The following SLC6A12 variants were observed in gnomAD, a reference collection of about 807,000 sequenced individuals.
SLC6A12 encodes solute carrier family 6 member 12, also known as sodium- and chloride-dependent betaine transporter.
In SLC6A12, 50 loss-of-function variants were observed where a neutral mutation model predicts 73.3. The observed-to-expected ratio is 0.68, with a 90% CI of 0.54 to 0.86. SLC6A12 has a LOEUF of 0.86. Among genes scored for constraint, SLC6A12 ranks in the 40% least tolerant of loss-of-function variants. The pLI, the probability that SLC6A12 is intolerant of heterozygous loss-of-function variation, is 0.00. For missense variants in SLC6A12, 648 were observed against 772.8 expected (o/e 0.84, Z 1.92); for synonymous variants, 304 against 309.2 (o/e 0.98, Z 0.18).
At chr12:208,107 C>T (rs113615885) in intron 3 of SLC6A12, among the ~76,000 whole-genome samples, 1 of 152,202 alleles carries the variant, frequency 6.6e-6, no homozygotes, top group Non-Finnish European at 1.5e-5. Context: ...GAAATGGTTC[C>T]AAGGCCCTCT....
At chr12:205,712 A>G (rs1279729966) in intron 3 of SLC6A12, among the ~76,000 whole-genome samples, 1 of 152,218 alleles carries the variant, frequency 6.6e-6, no homozygotes, top group Non-Finnish European at 1.5e-5. Context: ...ATCCTTCCAG[A>G]TTTCTTAAAA....
At chr12:184,728 C>T in the SLC6A12 span, among the ~76,000 whole-genome samples, 102 of 151,430 alleles carry the variant, frequency 6.7e-4, no homozygotes, top group South Asian at 8.5e-3. Flanking sequence ...CTAGCCTGGG[C>T]GACAGAGCAA....
At chr12:207,353 G>T (rs1407932228) in intron 3 of SLC6A12, among the ~76,000 whole-genome samples, 1 of 152,242 alleles carries the variant, frequency 6.6e-6, no homozygotes, top group Non-Finnish European at 1.5e-5. Context: ...TACCTCTGCT[G>T]CATGCTCTTT....
At chr12:211,097 A>G in intron 2 of SLC6A12, 1 of 151,990 alleles carries the variant, frequency 6.6e-6, no homozygotes, top group Non-Finnish European at 1.5e-5. Context: ...GAGGTGCCCC[A>G]GGCTGTAGAG....
chr12:186,477 G>A (rs138362815), downstream of SLC6A12, among the ~76,000 whole-genome samples: 445 of 152,348 alleles, frequency 2.9e-3, 4 homozygotes, highest in African/African-American at 0.01. Context: ...GGCATTTGGG[G>A]CCCACTTGGC....
At chr12:209,135 G>C (rs7303106) in intron 3 of SLC6A12, among the ~76,000 whole-genome samples, 20,196 of 151,432 alleles carry the variant, frequency 0.13, 2,328 homozygotes, top group African/African-American at 0.31. Context: ...CCACCCCCAG[G>C]ACCTTGGCAC....
At chr12:185,408 G>A (rs530364765), downstream of SLC6A12, among the ~76,000 whole-genome samples, 1 of 152,350 alleles carries the variant, frequency 6.6e-6, no homozygotes, top group South Asian at 2.1e-4. Context: ...GAAGGGACTT[G>A]CCCACTTCGA....
chr12:198,147 TG>T lies in SLC6A12; in HGVS notation c.847-145del, dbSNP rs760308532. 1.0e-4 allele frequency: 66 copies of T among 648,956 alleles called. No homozygotes were observed. The highest frequency in any genetic ancestry group is 1.6e-4 in the Non-Finnish European group (60 of 366,766). 40.2% of individuals were successfully genotyped at this position (648,956 alleles called of 1,614,324 possible). On this transcript the variant is annotated intron_variant, in intron 8 of 15. Coordinates refer to ENST00000684302, the MANE Select transcript of SLC6A12 (RefSeq NM_001122848.3). The surrounding 1 kb of genome is among the most constrained non-coding windows in gnomAD (Gnocchi z 4.0). ...TTCCCTCCTGCATCCCAACTCTCCG[TG>T]AGTGCGCCCTCCGGTCTCCACGGTG...
At chr12:212,721 T>C (rs1207922006) in intron 1 of SLC6A12, among the ~76,000 whole-genome samples, 1 of 152,150 alleles carries the variant, frequency 6.6e-6, no homozygotes, top group Non-Finnish European at 1.5e-5. Flanking sequence ...CAGAGGATGT[T>C]AGACACCAAA....
chr12:198,009 C>T lies in SLC6A12; in HGVS notation c.847-6G>A, dbSNP rs1565470129. 1 of 1,613,038 alleles carries T rather than the reference C, an allele frequency of 6.2e-7. No homozygotes were observed. Among genetic ancestry groups the T allele is most frequent in the South Asian group, 1.1e-5 (1 of 91,020 alleles). ...GTGCCCGCATCCATCCACACCTACA[C>T]AAAACCCCAAGAAAGAGGTAGAGGC... On this transcript the variant is annotated splice_region_variant and splice_polypyrimidine_tract_variant and intron_variant, in intron 8 of 15. Transcript: ENST00000684302. This position sits in a 1 kb window ranked among gnomAD's most constrained non-coding sequence, Gnocchi z 4.0.
intron 1 of SLC6A12, among the ~76,000 whole-genome samples, chr12:212,510 T>C (rs959992391): frequency 6.6e-6 from 1 of 152,184 alleles, no homozygotes; most frequent in Non-Finnish European, 1.5e-5. Flanking sequence ...TGACGCAACA[T>C]GATTTTTTAA....
downstream of SLC6A12, among the ~76,000 whole-genome samples, chr12:187,607 A>ACCCAC (rs1565461326): frequency 9.5e-4 from 15 of 15,854 alleles, no homozygotes; most frequent in Non-Finnish European, 4.9e-3. Context: ...AAAAAAAAAA[A>ACCCAC]AAAAAAAAAA....
rs1338245982 is a variant in SLC6A12 at position 202,714 on chromosome 12, A to G, written c.490+26T>C. 3.7e-6 allele frequency: 6 copies of G among 1,606,020 alleles called. No individual in the cohort carries two copies. The Admixed American group carries it at 1.0e-4, about 27-fold the overall frequency. ...CGCAGCCCAGCCCCTAACAGGCAAC[A>G]TCCCAGGGGCTGAAATGATGGATAC... On this transcript the variant is annotated intron_variant, in intron 5 of 15. Coordinates refer to ENST00000684302, the MANE Select transcript of SLC6A12 (RefSeq NM_001122848.3).
At chr12:200,258 A>ATG (rs1565472005) in intron 7 of SLC6A12, among the ~76,000 whole-genome samples, 30 of 148,798 alleles carry the variant, frequency 2.0e-4, no homozygotes, top group African/African-American at 6.5e-4. Context: ...ACAGGTGCCC[A>ATG]CCACCACGCC....
chr12:193,063 C>T (rs1042322497), intron 14 of SLC6A12: 18 of 543,066 alleles, frequency 3.3e-5, no homozygotes, highest in South Asian at 1.2e-4. Flanking sequence ...GGGATGGAGC[C>T]GGAAGTAGGA....
chr12:187,888 G>C (rs1024895344), downstream of SLC6A12, among the ~76,000 whole-genome samples: 1 of 152,172 alleles, frequency 6.6e-6, no homozygotes, highest in Non-Finnish European at 1.5e-5. Context: ...TAGATACAGA[G>C]TGTGGATTGG....
intron 2 of SLC6A12, 85 bp from the exon 3 acceptor site, chr12:210,128 T>C: frequency 1.4e-6 from 2 of 1,424,678 alleles, no homozygotes; most frequent in Non-Finnish European, 1.9e-6. Flanking sequence ...GCTGTCAGCA[T>C]ATTGTTGTTC....
At chr12:187,996 T>G (rs529231160), downstream of SLC6A12, among the ~76,000 whole-genome samples, 33 of 152,338 alleles carry the variant, frequency 2.2e-4, no homozygotes, top group African/African-American at 7.9e-4. Context: ...TTACAATCCC[T>G]GAGCTAGACA....
rs751670504 is a variant in SLC6A12, at chr12:209,915, C to A, written c.72G>T (p.Lys24Asn). Residue 24 changes from lysine (K) to asparagine (N), a missense_variant, in exon 3 of 16, where the codon AAG becomes AAT. Physicochemically the swap from Lys to Asn is moderately conservative, Grantham distance 94. Coordinates refer to ENST00000684302, the MANE Select transcript of SLC6A12 (RefSeq NM_001122848.3). ...AVSWVPEEGEKLDQEDEDQVK... is the reference protein window; with the variant it reads ...AVSWVPEEGENLDQEDEDQVK... ...CCTGGTCCTCGTCTTCCTGGTCCAA[C>A]TTCTCTCCCTCCTCGGGGACCCAGG... The A allele has an allele frequency of 6.2e-6, 10 of 1,614,110 alleles. No individual in the cohort carries two copies. The highest frequency in any genetic ancestry group is 1.3e-5 in the African/African-American group (1 of 74,942).
Sources: gnomAD v4.1 joint callset for allele counts (sites outside exome capture counted in the v4.1 genomes callset) on GRCh38, gnomAD v4.1.1 for gene constraint, Gnocchi (gnomAD v3.1) non-coding constraint, MANE v1.5 for transcripts, NCBI Gene and HGNC (gene_info 2026-07-23, HGNC 2026-07-21) for gene names.